The following PACC1 variants were observed in gnomAD, a reference collection of about 807,000 sequenced individuals.
PACC1 encodes proton-activated chloride channel.
Under a neutral mutation model 39.7 loss-of-function variants are expected in PACC1, and 34 were observed. The ratio of observed to expected loss-of-function variants is 0.86; its 90% CI spans 0.65 to 1.14. PACC1 has a LOEUF of 1.14. Among genes scored for constraint, PACC1 ranks in the 50% most tolerant of loss-of-function variants. The probability of loss-of-function intolerance (pLI) is 0.00; values close to 1 mark genes in which losing one functional copy is unlikely to be tolerated. For synonymous variants in PACC1, 127 were observed against 160.6 expected (o/e 0.79, Z 1.58); for missense variants, 379 against 436.4 (o/e 0.87, Z 1.17).
chr1:212,397,464 C>T (rs1228191552), intron 2 of PACC1, among the ~76,000 whole-genome samples: 2 of 152,170 alleles, frequency 1.3e-5, no homozygotes, highest in African/African-American at 4.8e-5. Flanking sequence ...AATATCTGCT[C>T]ATAATTATTT....
intron 2 of PACC1, among the ~76,000 whole-genome samples, chr1:212,396,797 TATC>T (rs1304643267): frequency 0.019 from 11 of 582 alleles, no homozygotes; most frequent in Admixed American, 0.17. Flanking sequence ...GGGAAAAAAA[TATC>T]TATCTATCTA....
intron 2 of PACC1, among the ~76,000 whole-genome samples, chr1:212,389,984 GT>G (rs1455677324): frequency 3.3e-5 from 5 of 152,004 alleles, no homozygotes; most frequent in Admixed American, 3.3e-4. Context: ...CAGAGAAAGA[GT>G]TTGTGAACTC....
chr1:212,400,075 A>G (rs1022078887), intron 2 of PACC1, among the ~76,000 whole-genome samples: 1 of 151,424 alleles, frequency 6.6e-6, no homozygotes, highest in African/African-American at 2.4e-5. Flanking sequence ...CAAACTCCTG[A>G]CCTCAGGTGA....
chr1:212,374,190 G>A (rs751022180), intron 7 of PACC1, among the ~76,000 whole-genome samples: 1 of 146,790 alleles, frequency 6.8e-6, no homozygotes, highest in Non-Finnish European at 1.5e-5. Context: ...AGGAAAATGT[G>A]GTGTGTATAT....
At chr1:212,414,140 G>T (rs1328851428) in intron 1 of PACC1, 22 of 1,460,778 alleles carry the variant, frequency 1.5e-5, no homozygotes, top group Non-Finnish European at 1.8e-5. Context: ...GTGGGAGGAG[G>T]TGAGACTGGA....
At chr1:212,393,515 C>G (rs1661403845) in intron 2 of PACC1, among the ~76,000 whole-genome samples, 1 of 152,118 alleles carries the variant, frequency 6.6e-6, no homozygotes. Flanking sequence ...ACTGACATCA[C>G]AATTAAAAGA....
intron 2 of PACC1, among the ~76,000 whole-genome samples, chr1:212,404,467 C>T (rs1318259098): frequency 6.6e-6 from 1 of 151,584 alleles, no homozygotes; most frequent in Admixed American, 6.6e-5. Flanking sequence ...ACACTCAGAC[C>T]CCTCCATAAT....
intron 2 of PACC1, among the ~76,000 whole-genome samples, chr1:212,399,869 A>C (rs913940581): frequency 6.7e-6 from 1 of 150,220 alleles, no homozygotes; most frequent in Admixed American, 6.7e-5. Context: ...TTTGAGACGG[A>C]GTTTCACTCT....
At chr1:212,370,828 C>G (rs1315045992) in intron 7 of PACC1, among the ~76,000 whole-genome samples, 1 of 151,878 alleles carries the variant, frequency 6.6e-6, no homozygotes, top group Non-Finnish European at 1.5e-5. Flanking sequence ...ATGCCTACAT[C>G]AAAAAAAGTA....
intron 2 of PACC1, among the ~76,000 whole-genome samples, chr1:212,402,682 TCTCA>T (rs1661759563): frequency 6.6e-6 from 1 of 152,128 alleles, no homozygotes; most frequent in Admixed American, 6.5e-5. Context: ...GGGAATGGAG[TCTCA>T]CTCTGTCACC....
At chr1:212,392,789 GTC>G (rs1486840682) in intron 2 of PACC1, among the ~76,000 whole-genome samples, 1 of 151,544 alleles carries the variant, frequency 6.6e-6, no homozygotes. Context: ...TGCAATCCTA[GTC>G]TCTGATAAAA....
chr1:212,403,651 G>A (rs1210918914), intron 2 of PACC1, among the ~76,000 whole-genome samples: 4 of 152,096 alleles, frequency 2.6e-5, no homozygotes, highest in South Asian at 2.1e-4. Flanking sequence ...TGCAACCTCC[G>A]CCTCCTGGGC....
chr1:212,403,311 G>C (rs543130479), intron 2 of PACC1, among the ~76,000 whole-genome samples: 3 of 152,264 alleles, frequency 2.0e-5, no homozygotes, highest in South Asian at 4.1e-4. Context: ...CTTTCTTGCA[G>C]CTCCTACCTC....
chr1:212,392,561 A>G (rs1361298928), intron 2 of PACC1, among the ~76,000 whole-genome samples: 2 of 152,240 alleles, frequency 1.3e-5, no homozygotes, highest in African/African-American at 4.8e-5. Flanking sequence ...AGCTAACATC[A>G]TAATGACAGG....
At chr1:212,394,172 G>A (rs1262704443) in intron 2 of PACC1, among the ~76,000 whole-genome samples, 3 of 152,140 alleles carry the variant, frequency 2.0e-5, no homozygotes, top group East Asian at 1.9e-4. Flanking sequence ...GATGAACATC[G>A]ACGCAAAAAT....
At chr1:212,369,101 TG>T (rs2102465116) in intron 7 of PACC1, among the ~76,000 whole-genome samples, 1 of 152,100 alleles carries the variant, frequency 6.6e-6, no homozygotes, top group East Asian at 1.9e-4. Context: ...AGTATGGAGT[TG>T]AAGTGTAGTT....
intron 2 of PACC1, among the ~76,000 whole-genome samples, chr1:212,407,001 G>T (rs1661943151): frequency 6.6e-6 from 1 of 152,180 alleles, no homozygotes; most frequent in Non-Finnish European, 1.5e-5. Context: ...GTGGTAGGCA[G>T]AATAAAGGCT....
chr1:212,414,824 G>A lies in PACC1; in HGVS notation c.-67C>T. On this transcript the variant is annotated 5_prime_UTR_variant, in exon 1 of 8. Transcript: ENST00000261455. ...CCGCGGCGCACGGACGCAGCACTGC[G>A]GCCGCTGCACCTGGACCTACCGGCT... is the stretch of plus-strand genomic sequence containing the variant. The A allele has an allele frequency of 1.3e-6, 2 of 1,596,242 alleles. No individual in the cohort carries two copies. The highest frequency in any genetic ancestry group is 1.7e-6 in the Non-Finnish European group (2 of 1,166,018).
chr1:212,403,122 A>C (rs1264869419), intron 2 of PACC1, among the ~76,000 whole-genome samples: 2 of 152,222 alleles, frequency 1.3e-5, no homozygotes, highest in African/African-American at 4.8e-5. Flanking sequence ...AGCATGTCTG[A>C]TGTCATTTCT....
Sources: allele counts gnomAD v4.1 joint callset (sites outside exome capture counted in the v4.1 genomes callset), GRCh38; gene constraint gnomAD v4.1.1; transcripts MANE v1.5; gene names NCBI Gene and HGNC (gene_info 2026-07-23, HGNC 2026-07-21).